DLG2: variants seen among roughly 807,000 people sequenced by gnomAD.
The protein encoded by DLG2 is discs large MAGUK scaffold protein 2.
Under a neutral mutation model 132.5 loss-of-function variants are expected in DLG2, and 45 were observed. The ratio of observed to expected loss-of-function variants is 0.34; its 90% CI spans 0.27 to 0.44. The LOEUF is 0.44. Ranked by LOEUF, DLG2 falls within the 20% of genes least tolerant of loss-of-function variation. DLG2 has a pLI of 1.00. For synonymous variants in DLG2, 424 were observed against 419.6 expected, an observed-to-expected ratio of 1.01 and a Z score of -0.13; for missense variants, 1,045 against 1,196.9, an observed-to-expected ratio of 0.87 and a Z score of 1.87.
chr11:83,478,249 A>G (rs1421502293), intron 22 of DLG2, among the ~76,000 whole-genome samples: 1 of 151,994 alleles, frequency 6.6e-6, no homozygotes, highest in African/African-American at 2.4e-5. Context: ...TTCTCCTCTG[A>G]GCTGTGATAA....
chr11:84,645,980 T>C (rs1005264455), intron 6 of DLG2, among the ~76,000 whole-genome samples: 2 of 152,198 alleles, frequency 1.3e-5, no homozygotes, highest in Non-Finnish European at 2.9e-5. Flanking sequence ...TCTTCCACAA[T>C]GATGATGGTG....
At chr11:85,253,689 C>A (rs2076516872) in intron 4 of DLG2, among the ~76,000 whole-genome samples, 1 of 152,136 alleles carries the variant, frequency 6.6e-6, no homozygotes, top group Non-Finnish European at 1.5e-5. Flanking sequence ...TTTGCACCCA[C>A]ACTCATGGCA....
chr11:84,852,705 G>A (rs555099663), intron 6 of DLG2, among the ~76,000 whole-genome samples: 1 of 151,834 alleles, frequency 6.6e-6, no homozygotes, highest in African/African-American at 2.4e-5. Context: ...TATGTTTATT[G>A]GGACAAATCA....
At chr11:84,538,413 A>G (rs988527866) in intron 6 of DLG2, among the ~76,000 whole-genome samples, 2 of 152,176 alleles carry the variant, frequency 1.3e-5, no homozygotes, top group Non-Finnish European at 2.9e-5. Flanking sequence ...CCCTTAGGTG[A>G]TTGAAGCCTC....
At position 84,060,269 on chromosome 11, in the gene DLG2, G is replaced by A. The variant is rs61897574; in HGVS notation, c.750-785C>T. ...GGAGGTTGCAGTGAGCCGAGATCACGCCACTATACTCCAGCCTGGGAGACA... is the reference window on the plus strand; with the variant it reads ...GGAGGTTGCAGTGAGCCGAGATCACACCACTATACTCCAGCCTGGGAGACA... On this transcript the variant is annotated intron_variant, in intron 10 of 27. Transcript: ENST00000376104. 4.1e-3 allele frequency among the ~76,000 whole-genome samples: 623 copies of A among 152,176 alleles called. 2 individuals carry two copies. Among genetic ancestry groups the A allele is most frequent in the Non-Finnish European group, 6.4e-3 (436 of 68,004 alleles).
intron 18 of DLG2, chr11:83,645,621 T>C (rs937754608): frequency 1.3e-4 from 20 of 152,140 alleles, no homozygotes; most frequent in African/African-American, 4.3e-4. Context: ...TTCCTCTGAT[T>C]AATAATTTAA....
intron 8 of DLG2, among the ~76,000 whole-genome samples, chr11:84,197,946 T>C (rs1471760965): frequency 6.6e-6 from 1 of 152,194 alleles, no homozygotes; most frequent in Non-Finnish European, 1.5e-5. Context: ...ACACCAAATT[T>C]ATTATCATTT....
chr11:84,001,524 T>C (rs187770578), intron 11 of DLG2, among the ~76,000 whole-genome samples: 3 of 152,086 alleles, frequency 2.0e-5, no homozygotes. Flanking sequence ...AATATCCCAC[T>C]CGGCATTAGA....
intron 7 of DLG2, among the ~76,000 whole-genome samples, chr11:84,304,857 C>T (rs2098197723): frequency 6.6e-6 from 1 of 152,160 alleles, no homozygotes; most frequent in African/African-American, 2.4e-5. Flanking sequence ...GCTAAACACA[C>T]AGATATAATG....
intron 7 of DLG2, among the ~76,000 whole-genome samples, chr11:84,513,054 G>A (rs1481446220): frequency 6.6e-6 from 1 of 152,008 alleles, no homozygotes; most frequent in African/African-American, 2.4e-5. Context: ...TTAAAACCTA[G>A]ATTACAGGTT....
rs563575756 is a variant in DLG2, at chr11:85,566,162, G to A, written c.40+32495C>T. Among the ~76,000 whole-genome samples, 3 of 152,198 alleles carry A rather than the reference G, an allele frequency of 2.0e-5. No individual in the cohort carries two copies. In the East Asian group the frequency reaches 5.8e-4, roughly 29 times the overall value. On this transcript the variant is annotated intron_variant, in intron 3 of 27. Coordinates refer to ENST00000376104, the MANE Select transcript of DLG2 (RefSeq NM_001142699.3). ...ATTTGTATATCTTTTTAGGAAAAATGTCTTTTCAAAAATTTGCCAATTTTT... is the reference window on the plus strand; with the variant it reads ...ATTTGTATATCTTTTTAGGAAAAATATCTTTTCAAAAATTTGCCAATTTTT...
chr11:84,870,529 C>T (rs927500911), intron 6 of DLG2, among the ~76,000 whole-genome samples: 2 of 152,046 alleles, frequency 1.3e-5, no homozygotes, highest in African/African-American at 2.4e-5. Context: ...GAGAAAAATG[C>T]CTATTTTAAT....
intron 4 of DLG2, among the ~76,000 whole-genome samples, chr11:85,197,125 T>C (rs1352327684): frequency 6.6e-6 from 1 of 152,234 alleles, no homozygotes; most frequent in Non-Finnish European, 1.5e-5. Context: ...ACAAGATTGC[T>C]AGGCCTCTAT....
At chr11:84,300,949 C>T (rs2098144162) in intron 7 of DLG2, among the ~76,000 whole-genome samples, 1 of 152,130 alleles carries the variant, frequency 6.6e-6, no homozygotes, top group Non-Finnish European at 1.5e-5. Context: ...TCTTATTTTC[C>T]AGTATATCCC....
chr11:84,793,412 G>A (rs977577160), intron 6 of DLG2, among the ~76,000 whole-genome samples: 3 of 152,138 alleles, frequency 2.0e-5, no homozygotes, highest in African/African-American at 7.2e-5. Context: ...TATCTATTAG[G>A]TCCATTTGTC....
At chr11:85,028,507 G>A (rs922080193) in intron 6 of DLG2, among the ~76,000 whole-genome samples, 2 of 152,024 alleles carry the variant, frequency 1.3e-5, no homozygotes, top group African/African-American at 4.8e-5. Context: ...GGCCCACATC[G>A]AGCTGCCTCA....
chr11:83,708,050 TGTG>T (rs1339826761), intron 18 of DLG2, among the ~76,000 whole-genome samples: 1 of 152,234 alleles, frequency 6.6e-6, no homozygotes, highest in African/African-American at 2.4e-5. Context: ...ATCATGAGGT[TGTG>T]GTGATTATTA....
intron 7 of DLG2, among the ~76,000 whole-genome samples, chr11:84,390,366 A>G (rs1286355886): frequency 6.6e-6 from 1 of 152,172 alleles, no homozygotes; most frequent in Admixed American, 6.6e-5. Flanking sequence ...TGTAATGACT[A>G]CCACCATTTG....
At chr11:84,712,202 T>C (rs530351166) in intron 6 of DLG2, among the ~76,000 whole-genome samples, 1 of 152,258 alleles carries the variant, frequency 6.6e-6, no homozygotes, top group African/African-American at 2.4e-5. Context: ...GTATTCTGAA[T>C]TGTACAATTC....
Sources: allele counts gnomAD v4.1 joint callset (sites outside exome capture counted in the v4.1 genomes callset), GRCh38; gene constraint gnomAD v4.1.1; transcripts MANE v1.5; gene names NCBI Gene and HGNC (gene_info 2026-07-23, HGNC 2026-07-21).